The following SASH1 variants were observed in gnomAD, a reference collection of about 807,000 sequenced individuals.
SASH1 encodes SAM and SH3 domain-containing protein 1.
Under a neutral mutation model 125.2 loss-of-function variants are expected in SASH1, and 44 were observed. That is an observed-to-expected ratio of 0.35 (90% CI 0.28 to 0.45). SASH1 has a LOEUF of 0.45. Ranked by LOEUF, SASH1 falls within the 20% of genes least tolerant of loss-of-function variation. The pLI is 1.00. For missense variants in SASH1, 1,426 were observed against 1,614.5 expected, an observed-to-expected ratio of 0.88 and a Z score of 2.00; for synonymous variants, 639 against 649.1, an observed-to-expected ratio of 0.98 and a Z score of 0.24.
At chr6:148,446,973 G>A (rs766710169) in intron 4 of SASH1, among the ~76,000 whole-genome samples, 51 of 152,172 alleles carry the variant, frequency 3.4e-4, no homozygotes, top group Non-Finnish European at 8.8e-5. Flanking sequence ...GTGGCAAATC[G>A]TGTTCGTTAG....
chr6:148,212,167 T>G, the SASH1 span, among the ~76,000 whole-genome samples: 40,833 of 151,742 alleles, frequency 0.27, 5,816 homozygotes, highest in East Asian at 0.4. Flanking sequence ...GAATTGGGAG[T>G]TTAGGAGAAC....
rs1350932333 is a variant in SASH1 at position 148,322,916 on chromosome 6, T to TTCTCTC, written n.74+50540_74+50541insCTCTCT. On this transcript the variant is annotated intron_variant and non_coding_transcript_variant, in intron 1 of 3. Transcript: ENST00000367469. ...TCTTTCTTTCTCTCTCTTTCTTTCT[T>TTCTCTC]TTTTCTTTCTCTCTTTCTTTTCCTT... 5.0e-4 allele frequency among the ~76,000 whole-genome samples: 61 copies of TTCTCTC among 121,444 alleles called. 3 individuals carry two copies. Among genetic ancestry groups the TTCTCTC allele is most frequent in the Admixed American group, 1.3e-3 (15 of 11,728 alleles). The allele number at this position is 121,444 out of a possible 152,430, so 79.7% of individuals were successfully genotyped here. A position where few individuals can be genotyped will look rare whatever the true frequency, so the allele number is the denominator to read the frequency against.
Position 148,537,735 on chromosome 6 carries a change from A to T in SASH1, c.2096-2708A>T, listed in dbSNP as rs541107314. 2.0e-5 allele frequency among the ~76,000 whole-genome samples: 3 copies of T among 146,720 alleles called. No homozygotes were observed. The South Asian group carries it at 6.5e-4, about 32-fold the overall frequency. On this transcript the variant is annotated intron_variant, in intron 16 of 19. Transcript: ENST00000367467. ...ATGCTATGTGCCTTTGGGTACCACT[A>T]CCTTTTGATGTTGGAATATTCATAG...
At chr6:148,343,869 G>C (rs893878467) in intron 1 of SASH1, among the ~76,000 whole-genome samples, 3 of 152,182 alleles carry the variant, frequency 2.0e-5, no homozygotes, top group African/African-American at 7.2e-5. Context: ...ACCTGCTCAG[G>C]GTTGAATACC....
the SASH1 span, among the ~76,000 whole-genome samples, chr6:148,202,986 G>C: frequency 4.0e-5 from 6 of 151,816 alleles, no homozygotes; most frequent in African/African-American, 1.5e-4. Context: ...AGAAAAGAAA[G>C]AATATAGAAA....
chr6:148,417,664 A>C (rs1259913631), intron 2 of SASH1, among the ~76,000 whole-genome samples: 1 of 152,096 alleles, frequency 6.6e-6, no homozygotes, highest in Non-Finnish European at 1.5e-5. Flanking sequence ...TGCCACCTTC[A>C]GACATGGTCT....
intron 8 of SASH1, chr6:148,509,413 G>C (rs542244082): frequency 6.3e-6 from 1 of 158,676 alleles, no homozygotes; most frequent in Non-Finnish European, 1.4e-5. Context: ...CGCTGGGGGA[G>C]ATGAGTGGGC....
intron 9 of SASH1, among the ~76,000 whole-genome samples, chr6:148,518,621 G>A (rs912170554): frequency 3.3e-5 from 5 of 152,126 alleles, no homozygotes; most frequent in African/African-American, 4.8e-5. Flanking sequence ...ACAATTCAGC[G>A]GGTGGAAAGC....
At chr6:148,281,106 C>CTTTTTTTTTTTTTTTTTTTT (rs34144143) in intron 1 of SASH1, among the ~76,000 whole-genome samples, 1 of 69,240 alleles carries the variant, frequency 1.4e-5, no homozygotes, top group Non-Finnish European at 2.6e-5. Context: ...CCATGCCTAG[C>CTTTTTTTTTTTTTTTTTTTT]TTTTTTTTTT....
chr6:148,434,738 T>C (rs1402897154), intron 2 of SASH1, among the ~76,000 whole-genome samples: 1 of 152,238 alleles, frequency 6.6e-6, no homozygotes, highest in Admixed American at 6.5e-5. Context: ...TTTCTTTTTT[T>C]AATGTATTTA....
chr6:148,213,697 G>A, the SASH1 span, among the ~76,000 whole-genome samples: 7 of 152,174 alleles, frequency 4.6e-5, 2 homozygotes, highest in Middle Eastern at 0.024. Flanking sequence ...CTAGATTAGA[G>A]GTCGCTTTCA....
chr6:148,203,572 A>G, the SASH1 span, among the ~76,000 whole-genome samples: 788 of 152,326 alleles, frequency 5.2e-3, 22 homozygotes, highest in Admixed American at 0.047. Context: ...CCCAGGAGAA[A>G]AAACACTTAT....
At chr6:148,454,693 A>G (rs1437781635) in intron 4 of SASH1, among the ~76,000 whole-genome samples, 1 of 152,180 alleles carries the variant, frequency 6.6e-6, no homozygotes, top group Non-Finnish European at 1.5e-5. Context: ...TAGACGGGCC[A>G]CTGTCAGCGT....
At chr6:148,422,583 A>T (rs1216554911) in intron 2 of SASH1, among the ~76,000 whole-genome samples, 1 of 152,254 alleles carries the variant, frequency 6.6e-6, no homozygotes, top group African/African-American at 2.4e-5. Context: ...ACAGACACAG[A>T]TAAATCACAG....
At chr6:148,252,178 T>G in the SASH1 span, among the ~76,000 whole-genome samples, 1 of 152,066 alleles carries the variant, frequency 6.6e-6, no homozygotes, top group African/African-American at 2.4e-5. Flanking sequence ...AGGGAAATGA[T>G]AGATACCCAC....
intron 2 of SASH1, among the ~76,000 whole-genome samples, chr6:148,423,718 T>C (rs1775677603): frequency 6.6e-6 from 1 of 152,214 alleles, no homozygotes; most frequent in Non-Finnish European, 1.5e-5. Flanking sequence ...GACTGTTTTT[T>C]TATACTGCCA....
At chr6:148,201,918 G>A in the SASH1 span, among the ~76,000 whole-genome samples, 5 of 152,148 alleles carry the variant, frequency 3.3e-5, no homozygotes, top group Non-Finnish European at 7.4e-5. Flanking sequence ...ACAGCCTGCA[G>A]ATGTTCTCCA....
chr6:148,547,003 T>G (rs1562506950), intron 19 of SASH1, among the ~76,000 whole-genome samples: 1 of 152,192 alleles, frequency 6.6e-6, no homozygotes, highest in Non-Finnish European at 1.5e-5. Context: ...CCTGTATATA[T>G]TATACACAAA....
intron 1 of SASH1, among the ~76,000 whole-genome samples, chr6:148,387,451 CCTTTTCTTCTCTTTTCTCTTCTCTTCT>C (rs376915907): frequency 3.3e-4 from 50 of 151,552 alleles, no homozygotes; most frequent in African/African-American, 1.1e-3. Flanking sequence ...TCTTCTCTTC[CCTTTTCTTCTCTTTTCTCTTCTCTTCT>C]CTTCCCTTCC....
Sources: allele counts gnomAD v4.1 joint callset (sites outside exome capture counted in the v4.1 genomes callset), GRCh38; gene constraint gnomAD v4.1.1; transcripts MANE v1.5; gene names NCBI Gene and HGNC (gene_info 2026-07-23, HGNC 2026-07-21).